PCDH15: variants seen among roughly 807,000 people sequenced by gnomAD.
PCDH15 encodes the protein protocadherin-15.
In PCDH15, 129 loss-of-function variants were observed where a neutral mutation model predicts 178.5. That is an observed-to-expected ratio of 0.72 (90% CI 0.63 to 0.84). The LOEUF (loss-of-function observed/expected upper bound fraction) is 0.84. Ranked by LOEUF, PCDH15 falls within the 40% of genes least tolerant of loss-of-function variation. The pLI is 0.00. For synonymous variants in PCDH15, 800 were observed against 732.0 expected (o/e 1.09, Z -1.50); for missense variants, 2,230 against 2,099.9 (o/e 1.06, Z -1.21).
chr10:54,141,905 T>C (rs1343047172), intron 14 of PCDH15, among the ~76,000 whole-genome samples: 1 of 152,206 alleles, frequency 6.6e-6, no homozygotes, highest in Non-Finnish European at 1.5e-5. Context: ...GAGATTATTA[T>C]GTGGTTTTCA....
intron 23 of PCDH15, among the ~76,000 whole-genome samples, chr10:53,953,368 A>T (rs1164494890): frequency 2.0e-5 from 3 of 152,218 alleles, no homozygotes; most frequent in African/African-American, 7.2e-5. Context: ...AATTAACAAA[A>T]TGAGTCTGTT....
chr10:54,030,753 T>C (rs186292240), intron 18 of PCDH15, among the ~76,000 whole-genome samples: 1 of 152,184 alleles, frequency 6.6e-6, no homozygotes, highest in Admixed American at 6.6e-5. Flanking sequence ...TCTTTATGCA[T>C]TTATATCCCT....
Position 54,281,597 on chromosome 10 carries a change from G to T in PCDH15, c.876+35674C>A, listed in dbSNP as rs572027813. 3.9e-5 allele frequency among the ~76,000 whole-genome samples: 6 copies of T among 152,040 alleles called. No individual in the cohort carries two copies. In the South Asian group the frequency reaches 1.2e-3, roughly 32 times the overall value. On this transcript the variant is annotated intron_variant, in intron 8 of 37. Transcript: ENST00000644397. ...TAAGTCATTACTAAATGTGTTTAGGGTATACAATGGAAGCAGAGTCTGCTG... is the reference window on the plus strand; with the variant it reads ...TAAGTCATTACTAAATGTGTTTAGGTTATACAATGGAAGCAGAGTCTGCTG...
At chr10:55,325,521 G>A (rs1278022097) in intron 2 of PCDH15, among the ~76,000 whole-genome samples, 2 of 152,134 alleles carry the variant, frequency 1.3e-5, no homozygotes, top group Non-Finnish European at 2.9e-5. Context: ...ACTATACGCA[G>A]AAGATCAAAA....
chr10:54,295,371 G>A (rs1564891344), intron 8 of PCDH15, among the ~76,000 whole-genome samples: 1 of 152,168 alleles, frequency 6.6e-6, no homozygotes, highest in African/African-American at 2.4e-5. Context: ...GGCCAAATAA[G>A]GGAATAAAAG....
chr10:54,938,831 T>C (rs894081183), intron 2 of PCDH15, among the ~76,000 whole-genome samples: 1 of 152,180 alleles, frequency 6.6e-6, no homozygotes, highest in African/African-American at 2.4e-5. Context: ...TAGAGAGATG[T>C]CATTCTGGAA....
intron 37 of PCDH15, chr10:53,809,239 C>T (rs1224400863): frequency 1.9e-6 from 3 of 1,613,910 alleles, no homozygotes; most frequent in African/African-American, 1.3e-5. Context: ...AGTATAGTCG[C>T]TGGAGGATTC....
chr10:53,904,962 T>G (rs761207648), intron 25 of PCDH15, among the ~76,000 whole-genome samples: 1 of 152,316 alleles, frequency 6.6e-6, no homozygotes, highest in Non-Finnish European at 1.5e-5. Context: ...GACGTATATT[T>G]TCTTCTTTAA....
At chr10:53,834,638 G>A (rs1393703749) in intron 29 of PCDH15, among the ~76,000 whole-genome samples, 1 of 151,510 alleles carries the variant, frequency 6.6e-6, no homozygotes, top group East Asian at 1.9e-4. Context: ...AACATGAATT[G>A]ATTACTGCTA....
chr10:53,998,039 C>A (rs1255009010), intron 20 of PCDH15, among the ~76,000 whole-genome samples: 1 of 152,138 alleles, frequency 6.6e-6, no homozygotes, highest in Non-Finnish European at 1.5e-5. Flanking sequence ...TCAGGGACAT[C>A]TGAACAAAAA....
chr10:53,959,226 A>T (rs1336078339), intron 23 of PCDH15, among the ~76,000 whole-genome samples: 1 of 147,250 alleles, frequency 6.8e-6, no homozygotes, highest in Non-Finnish European at 1.5e-5. Context: ...GTATACACAC[A>T]GTATATATAA....
At chr10:54,362,311 G>T (rs114378069) in intron 5 of PCDH15, among the ~76,000 whole-genome samples, 2,729 of 152,076 alleles carry the variant, frequency 0.018, 88 homozygotes, top group African/African-American at 0.062. Flanking sequence ...AGTTCCTAAT[G>T]AGTATGCCTA....
chr10:54,843,055 C>T (rs1015558322), intron 3 of PCDH15, among the ~76,000 whole-genome samples: 2 of 151,972 alleles, frequency 1.3e-5, no homozygotes, highest in Non-Finnish European at 2.9e-5. Context: ...GGAGCTCTGA[C>T]ACACATTTCA....
intron 14 of PCDH15, among the ~76,000 whole-genome samples, chr10:54,139,993 A>G (rs748886912): frequency 6.6e-6 from 1 of 152,190 alleles, no homozygotes; most frequent in Non-Finnish European, 1.5e-5. Context: ...TGTAAGTCAT[A>G]TGCCATTTTT....
intron 19 of PCDH15, among the ~76,000 whole-genome samples, chr10:54,021,150 T>C (rs1330610201): frequency 6.6e-6 from 1 of 152,020 alleles, no homozygotes; most frequent in Non-Finnish European, 1.5e-5. Flanking sequence ...ATGTTCTAAA[T>C]TGGGAACGAT....
At chr10:55,252,947 A>T (rs959758818) in intron 1 of PCDH15, among the ~76,000 whole-genome samples, 10 of 152,164 alleles carry the variant, frequency 6.6e-5, no homozygotes, top group Non-Finnish European at 1.2e-4. Flanking sequence ...GGAGAAAAAA[A>T]TTTTCTAAAA....
intron 2 of PCDH15, among the ~76,000 whole-genome samples, chr10:54,959,713 T>C (rs1838591825): frequency 6.6e-6 from 1 of 152,104 alleles, no homozygotes; most frequent in South Asian, 2.1e-4. Flanking sequence ...TCATCGAATT[T>C]AGAGGAACTA....
At position 55,398,936 on chromosome 10, in the gene PCDH15, A is replaced by C. The variant is rs16907339; in HGVS notation, c.-156+228689T>G. On this transcript the variant is annotated intron_variant, in intron 2 of 5. Coordinates refer to the PCDH15 transcript ENST00000613346. ...AGAGAAAGAACGCTCACATTCTCTA[A>C]AATGACACATACATATATGAATGAA... Among the ~76,000 whole-genome samples the C allele has an allele frequency of 7.5e-3, 1,143 of 152,278 alleles. 13 individuals are homozygous for C. The highest frequency in any genetic ancestry group is 0.025 in the African/African-American group (1,022 of 41,550).
At chr10:54,027,850 C>T (rs1589994562) in intron 18 of PCDH15, among the ~76,000 whole-genome samples, 1 of 143,816 alleles carries the variant, frequency 7.0e-6, no homozygotes. Context: ...AGAAGAAAAC[C>T]TAGGCATTAC....
Sources: allele counts gnomAD v4.1 joint callset (sites outside exome capture counted in the v4.1 genomes callset), GRCh38; gene constraint gnomAD v4.1.1; transcripts MANE v1.5; gene names NCBI Gene and HGNC (gene_info 2026-07-23, HGNC 2026-07-21).